CEP162: variants seen among roughly 807,000 people sequenced by gnomAD.
CEP162 encodes centrosomal protein 162.
A neutral mutation model predicts 169.2 loss-of-function variants in CEP162; 141 were observed. The ratio of observed to expected loss-of-function variants is 0.83; its 90% CI spans 0.73 to 0.96. The LOEUF (loss-of-function observed/expected upper bound fraction) is 0.96. CEP162 is among the 40% of genes least tolerant of loss of function. The probability of loss-of-function intolerance (pLI) is 0.00; values close to 1 mark genes in which losing one functional copy is unlikely to be tolerated. For missense variants in CEP162, 1,600 were observed against 1,587.2 expected (o/e 1.01, Z -0.14); for synonymous variants, 540 against 526.4 (o/e 1.03, Z -0.35).
In CEP162 at chr6:84,146,695, G is replaced by A; in HGVS notation, c.3862C>T (p.Gln1288Ter). ...VVSEVREEIL[Q>*]KEITKLLEEL... ...TTTTGGCCATTTCTTACCTCTTTCT[G>A]TAGAATTTCTTCTCGAACTTCAGAA... is the stretch of plus-strand genomic sequence containing the variant. Residue 1288 changes from glutamine (Q) to a stop codon, truncating the protein, a stop_gained, in exon 25 of 27, where the codon CAG becomes TAG. Transcript: ENST00000403245. LOFTEE classifies it high-confidence loss of function. The A allele has an allele frequency of 4.5e-6, 7 of 1,545,306 alleles. No individual in the cohort carries two copies. Among genetic ancestry groups the A allele is most frequent in the Non-Finnish European group, 5.3e-6 (6 of 1,138,082 alleles).
chr6:84,226,360 C>T lies in CEP162; in HGVS notation c.34G>A (p.Glu12Lys). Residue 12 changes from glutamate to lysine, a missense_variant, in exon 2 of 27, where the codon GAG (glutamate) becomes AAG (lysine). Physicochemically the swap from Glu to Lys is moderately conservative, Grantham distance 56. Coordinates refer to ENST00000403245, the MANE Select transcript of CEP162 (RefSeq NM_014895.4). ...ACCTCTTTCATAAACTGTTCAAACT[C>T]TTCATCTAGCTCTTCTTGGGAACAG... ...ANCSQEELDE[E>K]FEQFMKELSD... 3 of 1,566,256 alleles carry T rather than the reference C, an allele frequency of 1.9e-6. No homozygotes were observed. Among genetic ancestry groups the T allele is most frequent in the South Asian group, 2.3e-5 (2 of 85,408 alleles).
intron 13 of CEP162, among the ~76,000 whole-genome samples, chr6:84,182,784 A>G (rs2099535476): frequency 1.3e-5 from 2 of 152,168 alleles, no homozygotes; most frequent in South Asian, 4.1e-4. Context: ...CCAGCCATGA[A>G]CTGCCTATCT....
At chr6:84,202,518 C>CTTTTTTTTTTTTTTTTTTTTTT (rs70987776) in intron 7 of CEP162, among the ~76,000 whole-genome samples, 2 of 90,774 alleles carry the variant, frequency 2.2e-5, no homozygotes, top group African/African-American at 5.8e-5. Flanking sequence ...TTCTTTCTTT[C>CTTTTTTTTTTTTTTTTTTTTTT]TTTTTTTTTT....
At chr6:84,185,609 T>C (rs1037324558) in intron 12 of CEP162, among the ~76,000 whole-genome samples, 161 bp from the exon 13 acceptor site, 2 of 152,152 alleles carry the variant, frequency 1.3e-5, no homozygotes, top group Non-Finnish European at 2.9e-5. Flanking sequence ...TGCATCAGAA[T>C]TTTAGTATTT....
chr6:84,186,627 TAAAACAAAACA>T lies in CEP162; in HGVS notation c.1110-15_1110-5del, dbSNP rs755764865. 1 of 1,593,824 alleles carries T rather than the reference TAAAACAAAACA, an allele frequency of 6.3e-7. No individual in the cohort carries two copies. The highest frequency in any genetic ancestry group is 1.7e-5 in the Admixed American group (1 of 58,044). On this transcript the variant is annotated splice_polypyrimidine_tract_variant and splice_region_variant and intron_variant, in intron 11 of 26. Coordinates refer to ENST00000403245, the MANE Select transcript of CEP162 (RefSeq NM_014895.4). ...TCTTTCGGCCACTTTCTCAGAGCTATAAAACAAAACAGGACACAGATAATGAACCCTATGTA... is the reference window on the plus strand; with the variant it reads ...TCTTTCGGCCACTTTCTCAGAGCTATGGACACAGATAATGAACCCTATGTA...
At chr6:84,215,517 T>C (rs1389914209) in intron 4 of CEP162, 52 bp from the exon 5 acceptor site, 14 of 1,358,316 alleles carry the variant, frequency 1.0e-5, no homozygotes, top group Middle Eastern at 1.9e-4. Flanking sequence ...TTTGAAAACA[T>C]TGATTTGAAT....
chr6:84,137,870 C>T (rs907001586), intron 25 of CEP162, among the ~76,000 whole-genome samples: 2 of 152,056 alleles, frequency 1.3e-5, no homozygotes, highest in Non-Finnish European at 1.5e-5. Context: ...TTAGCATCAA[C>T]GGAAGAGGTG....
Position 84,126,528 on chromosome 6 carries a change from G to A in CEP162, c.3871-16C>T. 1.4e-6 allele frequency: 2 copies of A among 1,474,828 alleles called. No homozygotes were observed. The highest frequency in any genetic ancestry group is 1.8e-6 in the Non-Finnish European group (2 of 1,103,222). 91.4% of individuals were successfully genotyped at this position (1,474,828 alleles called of 1,614,324 possible). On this transcript the variant is annotated splice_polypyrimidine_tract_variant and intron_variant, in intron 25 of 26. Transcript: ENST00000403245. ...GTTTTGTAATCTAAAATTGACATATGAAGCAAATGAAAAACTATAATCACA... is the reference window on the plus strand; with the variant it reads ...GTTTTGTAATCTAAAATTGACATATAAAGCAAATGAAAAACTATAATCACA...
chr6:84,219,270 G>A (rs990297269), intron 3 of CEP162: 5 of 703,976 alleles, frequency 7.1e-6, no homozygotes, highest in Admixed American at 5.0e-5. Flanking sequence ...TCAGGGACCA[G>A]GTTATTCCCG....
At chr6:84,225,939 C>T (rs2099555560) in intron 2 of CEP162, among the ~76,000 whole-genome samples, 1 of 151,930 alleles carries the variant, frequency 6.6e-6, no homozygotes, top group Admixed American at 6.6e-5. Flanking sequence ...AGAAAAAAGG[C>T]CACTGTGGAA....
At chr6:84,138,103 A>T (rs1408932246) in intron 25 of CEP162, among the ~76,000 whole-genome samples, 1 of 152,210 alleles carries the variant, frequency 6.6e-6, no homozygotes, top group Non-Finnish European at 1.5e-5. Context: ...TGTTAAAAAC[A>T]CATAAGCAAT....
chr6:84,127,512 A>C (rs1277653477), intron 25 of CEP162, among the ~76,000 whole-genome samples: 1 of 152,148 alleles, frequency 6.6e-6, no homozygotes, highest in Non-Finnish European at 1.5e-5. Flanking sequence ...CTCACAGAAC[A>C]TGCTGTGGTG....
chr6:84,207,981 C>G (rs2099547941), intron 6 of CEP162, among the ~76,000 whole-genome samples: 1 of 149,222 alleles, frequency 6.7e-6, no homozygotes, highest in Admixed American at 6.6e-5. Context: ...AATCTTGCCA[C>G]TTTTAAAAAG....
At chr6:84,144,817 A>C (rs1291583011) in intron 25 of CEP162, among the ~76,000 whole-genome samples, 1 of 152,152 alleles carries the variant, frequency 6.6e-6, no homozygotes, top group Non-Finnish European at 1.5e-5. Flanking sequence ...CTCTTAAGCT[A>C]TCCATAGCTT....
In CEP162 at chr6:84,159,521, ATT is replaced by A. The variant is rs1226401066; in HGVS notation, c.2781+1289_2781+1290del. Among the ~76,000 whole-genome samples the A allele has an allele frequency of 1.0e-3, 54 of 53,654 alleles. 1 individual carries two copies. The highest frequency in any genetic ancestry group is 7.7e-4 in the African/African-American group (11 of 14,218). The allele number at this position is 53,654 out of a possible 152,430, so 35.2% of individuals were successfully genotyped here. A position where few individuals can be genotyped will look rare whatever the true frequency, so the allele number is the denominator to read the frequency against. The stretch of plus-strand genomic sequence containing the variant: ...TTCTAGTTCTTTTTTAAAATTAATT[ATT>A]TATATATATATATATATATATATAT... On this transcript the variant is annotated intron_variant, in intron 21 of 26. Transcript: ENST00000403245.
Position 84,175,119 on chromosome 6 carries a change from A to G in CEP162, c.1797+95T>C. 4 of 942,762 alleles carry G rather than the reference A, an allele frequency of 4.2e-6. No homozygotes were observed. The South Asian group carries it at 8.1e-5, about 19-fold the overall frequency. The allele number at this position is 942,762 out of a possible 1,614,324, so 58.4% of individuals were successfully genotyped here. A position where few individuals can be genotyped will look rare whatever the true frequency, so the allele number is the denominator to read the frequency against. ...ATTACAGTATCACTCAAAGGAAAAG[A>G]CATTTCAGTCCTTATTATATTTTGT... On this transcript the variant is annotated intron_variant, in intron 14 of 26. Transcript: ENST00000403245.
At chr6:84,159,142 T>C (rs996794592) in intron 21 of CEP162, among the ~76,000 whole-genome samples, 13 of 151,654 alleles carry the variant, frequency 8.6e-5, no homozygotes, top group African/African-American at 3.1e-4. Flanking sequence ...AAAATATGTA[T>C]TAAGTTTTAA....
chr6:84,226,506 A>T, intron 1 of CEP162, 54 bp from the exon 2 acceptor site: 1 of 775,194 alleles, frequency 1.3e-6, no homozygotes, highest in Non-Finnish European at 2.1e-6. Flanking sequence ...GATCATGAAC[A>T]CGACCAGACT....
chr6:84,190,532 C>T (rs2099539417), intron 11 of CEP162, among the ~76,000 whole-genome samples: 1 of 152,154 alleles, frequency 6.6e-6, no homozygotes, highest in African/African-American at 2.4e-5. Context: ...AGATCTGCAG[C>T]TTCACTCCTG....
Sources: allele counts gnomAD v4.1 joint callset (sites outside exome capture counted in the v4.1 genomes callset), GRCh38; gene constraint gnomAD v4.1.1; transcripts MANE v1.5; gene names NCBI Gene and HGNC (gene_info 2026-07-23, HGNC 2026-07-21).